LNX2: variants seen among roughly 807,000 people sequenced by gnomAD.
The protein encoded by LNX2 is ligand of Numb protein X 2.
A neutral mutation model predicts 66.2 loss-of-function variants in LNX2; 35 were observed. The observed-to-expected ratio is 0.53, with a 90% CI of 0.40 to 0.70. The LOEUF (loss-of-function observed/expected upper bound fraction) is 0.70. Among genes scored for constraint, LNX2 ranks in the 30% least tolerant of loss-of-function variants. The pLI is 0.00. For synonymous variants in LNX2, 337 were observed against 315.6 expected (o/e 1.07, Z -0.72); for missense variants, 791 against 850.8 (o/e 0.93, Z 0.87).
chr13:27,603,571 C>G (rs1955681513), intron 1 of LNX2, among the ~76,000 whole-genome samples: 1 of 152,192 alleles, frequency 6.6e-6, no homozygotes, highest in African/African-American at 2.4e-5. Context: ...AAACAGACAT[C>G]TACTGATGAC....
Position 27,583,240 on chromosome 13 carries a change from G to T in LNX2, c.-100-1437C>A, listed in dbSNP as rs1214859446. Reference sequence around the variant, plus strand: ...TGTGTGTGTGTGTGTGTGTGTGTGTGTGTGTGTGTGTGTGTGCGCGCGTCC... The same window carrying T: ...TGTGTGTGTGTGTGTGTGTGTGTGTTTGTGTGTGTGTGTGTGCGCGCGTCC... On this transcript the variant is annotated intron_variant, in intron 1 of 9. Transcript: ENST00000316334. Among the ~76,000 whole-genome samples the T allele has an allele frequency of 3.0e-3, 68 of 22,622 alleles. 3 individuals are homozygous for T. Among genetic ancestry groups the T allele is most frequent in the Non-Finnish European group, 4.4e-3 (54 of 12,392 alleles). 14.8% of individuals were successfully genotyped at this position (22,622 alleles called of 152,430 possible). A position where few individuals can be genotyped will look rare whatever the true frequency, so the allele number is the denominator to read the frequency against.
intron 1 of LNX2, among the ~76,000 whole-genome samples, chr13:27,591,265 A>G (rs989544534): frequency 6.6e-6 from 1 of 152,252 alleles, no homozygotes; most frequent in Non-Finnish European, 1.5e-5. Context: ...AATTCATTAC[A>G]GATTCATATA....
intron 1 of LNX2, among the ~76,000 whole-genome samples, chr13:27,593,239 T>C (rs1955563070): frequency 1.3e-5 from 2 of 152,204 alleles, no homozygotes; most frequent in South Asian, 2.1e-4. Context: ...ATTTATCTCA[T>C]CTTCTTCCAA....
chr13:27,560,112 C>T, intron 5 of LNX2, 127 bp from the exon 6 acceptor site: 1 of 679,416 alleles, frequency 1.5e-6, no homozygotes, highest in South Asian at 4.1e-5. Context: ...ACAGTGACTG[C>T]AAGCACCTGG....
rs1593245202 is a variant in LNX2, at chr13:27,569,061, T to G, written c.623A>C (p.Asn208Thr). The G allele has an allele frequency of 6.2e-7, 1 of 1,613,634 alleles. No homozygotes were observed. The highest frequency in any genetic ancestry group is 1.1e-5 in the South Asian group (1 of 91,050). ...TCCAGCGCTCTCCTCAAAGGCAGGG[T>G]TGTCAAGGCCAGGCTCCTCACTCCA... Reference protein sequence around the residue: ...STWSEEPGLDNPAFEESAGAD... With the variant: ...STWSEEPGLDTPAFEESAGAD... Residue 208 changes from asparagine to threonine, a missense_variant, in exon 3 of 10, where the codon AAC (asparagine) becomes ACC (threonine). Coordinates refer to ENST00000316334, the MANE Select transcript of LNX2 (RefSeq NM_153371.4).
intron 1 of LNX2, among the ~76,000 whole-genome samples, chr13:27,618,547 C>T (rs1437131295): frequency 6.6e-6 from 1 of 152,190 alleles, no homozygotes; most frequent in Non-Finnish European, 1.5e-5. Context: ...GTTATCATGA[C>T]ATTCTCCTGC....
At chr13:27,555,122 T>G (rs1955042102) in intron 7 of LNX2, among the ~76,000 whole-genome samples, 2 of 152,182 alleles carry the variant, frequency 1.3e-5, no homozygotes, top group Admixed American at 6.5e-5. Context: ...CTAATTTTTG[T>G]ATTTTTTGTA....
rs375456088 is a variant in LNX2, at chr13:27,612,408, A to G, written c.-101+7967T>C. On this transcript the variant is annotated intron_variant, in intron 1 of 9. Transcript: ENST00000316334. ...ACCTGTGTAACACCTACTCAGCCAG[A>G]TATCTGTTTAAGGACAACTTCTTCA... 3.4e-4 allele frequency among the ~76,000 whole-genome samples: 52 copies of G among 152,284 alleles called. No homozygotes were observed. The South Asian group carries it at 6.7e-3, about 19-fold the overall frequency.
chr13:27,567,113 C>A lies in LNX2; in HGVS notation c.855+527G>T, dbSNP rs1445388753. On this transcript the variant is annotated intron_variant, in intron 4 of 9. Coordinates refer to ENST00000316334, the MANE Select transcript of LNX2 (RefSeq NM_153371.4). ...GTTAGAGTGTTTGCTGAGGAGAGTGCATTAGGGAGTTGATAGGAGATGACT... is the reference window on the plus strand; with the variant it reads ...GTTAGAGTGTTTGCTGAGGAGAGTGAATTAGGGAGTTGATAGGAGATGACT... 2.0e-5 allele frequency among the ~76,000 whole-genome samples: 3 copies of A among 152,030 alleles called. No homozygotes were observed. The East Asian group carries it at 5.8e-4, about 29-fold the overall frequency.
chr13:27,550,368 G>A lies in LNX2; in HGVS notation c.1902C>T (p.Val634=). 6 of 1,613,726 alleles carry A rather than the reference G, an allele frequency of 3.7e-6. No individual in the cohort carries two copies. The highest frequency in any genetic ancestry group is 5.1e-6 in the Non-Finnish European group (6 of 1,179,832). ...CATCATAATAAGCAGGAGTTCCCAA[G>A]ACAATAGTTTTAATGAAAAAAGGCT... is the stretch of plus-strand genomic sequence containing the variant. ...TNQPFFIKTI[V]LGTPAYYDGR... is the part of the protein sequence containing the mutation. Residue 634 remains valine, a synonymous_variant, in exon 9 of 10, where the codon GTC becomes GTT. Transcript: ENST00000316334.
chr13:27,583,247 T>TAC lies in LNX2; in HGVS notation c.-100-1445_-100-1444insGT, dbSNP rs1955436921. 6.8e-5 allele frequency among the ~76,000 whole-genome samples: 3 copies of TAC among 44,312 alleles called. 1 individual carries two copies. The highest frequency in any genetic ancestry group is 9.2e-4 in the South Asian group (1 of 1,086). The allele number at this position is 44,312 out of a possible 152,430, so 29.1% of individuals were successfully genotyped here. A position where few individuals can be genotyped will look rare whatever the true frequency, so the allele number is the denominator to read the frequency against. ...GTGTGTGTGTGTGTGTGTGTGTGTGTGTGTGTGTGCGCGCGTCCTCTCCAA... is the reference window on the plus strand; with the variant it reads ...GTGTGTGTGTGTGTGTGTGTGTGTGTACGTGTGTGTGCGCGCGTCCTCTCCAA... On this transcript the variant is annotated intron_variant, in intron 1 of 9. Coordinates refer to ENST00000316334, the MANE Select transcript of LNX2 (RefSeq NM_153371.4).
Position 27,615,973 on chromosome 13 carries a change from G to C in LNX2, c.-101+4402C>G, listed in dbSNP as rs111314821. 2.3e-3 allele frequency among the ~76,000 whole-genome samples: 357 copies of C among 152,230 alleles called. 1 individual carries two copies. Among genetic ancestry groups the C allele is most frequent in the African/African-American group, 7.7e-3 (318 of 41,518 alleles). On this transcript the variant is annotated intron_variant, in intron 1 of 9. Transcript: ENST00000316334. ...AAGAGTCAAACTCTGCAACATATTT[G>C]AAGAGATTTATCGTGAGCCAAATCT...
chr13:27,556,527 T>C, intron 6 of LNX2, 114 bp from the exon 7 acceptor site: 1 of 883,426 alleles, frequency 1.1e-6, no homozygotes, highest in South Asian at 1.6e-5. Flanking sequence ...AATTATTTTT[T>C]ATTCCTTAAT....
intron 7 of LNX2, among the ~76,000 whole-genome samples, chr13:27,555,490 A>G (rs1955046911): frequency 6.6e-6 from 1 of 152,202 alleles, no homozygotes; most frequent in Admixed American, 6.5e-5. Context: ...GCAGTTTTAA[A>G]GTCCAGTCTG....
Position 27,548,138 on chromosome 13 carries a change from T to A in LNX2, c.*197A>T, listed in dbSNP as rs1201122101. 1.8e-6 allele frequency: 1 copy of A among 549,636 alleles called. No homozygotes were observed. The allele number at this position is 549,636 out of a possible 1,614,324, so 34.0% of individuals were successfully genotyped here. A position where few individuals can be genotyped will look rare whatever the true frequency, so the allele number is the denominator to read the frequency against. ...AAACTCACAAAGGTTAGTGGAAGAC[T>A]GTTTCCAAGCTAAAAGAAATGTAAC... On this transcript the variant is annotated 3_prime_UTR_variant, in exon 10 of 10. Transcript: ENST00000316334.
At chr13:27,604,501 T>A (rs1332357527) in intron 1 of LNX2, among the ~76,000 whole-genome samples, 1 of 152,166 alleles carries the variant, frequency 6.6e-6, no homozygotes, top group Non-Finnish European at 1.5e-5. Flanking sequence ...CCACCATAAG[T>A]TTCACTGCAG....
At chr13:27,606,025 T>C (rs1429358062) in intron 1 of LNX2, among the ~76,000 whole-genome samples, 1 of 152,108 alleles carries the variant, frequency 6.6e-6, no homozygotes, top group Non-Finnish European at 1.5e-5. Flanking sequence ...ATCCTCAAAA[T>C]GAAAGCTATT....
At chr13:27,586,002 T>TTA (rs74967249) in intron 1 of LNX2, among the ~76,000 whole-genome samples, 108 of 130,984 alleles carry the variant, frequency 8.2e-4, no homozygotes, top group South Asian at 1.9e-3. Flanking sequence ...ATATATACAC[T>TTA]TATATATATA....
intron 1 of LNX2, among the ~76,000 whole-genome samples, chr13:27,608,641 C>G (rs1955742384): frequency 6.6e-6 from 1 of 151,982 alleles, no homozygotes; most frequent in Non-Finnish European, 1.5e-5. Flanking sequence ...GCTTAATCCC[C>G]AAGAGTAACC....
Sources: gnomAD v4.1 joint callset for allele counts (sites outside exome capture counted in the v4.1 genomes callset) on GRCh38, gnomAD v4.1.1 for gene constraint, MANE v1.5 for transcripts, NCBI Gene and HGNC (gene_info 2026-07-23, HGNC 2026-07-21) for gene names.